The following MEI4 variants were observed in gnomAD, a reference collection of about 807,000 sequenced individuals.
MEI4 encodes meiotic double-stranded break formation protein 4, also known as meiosis-specific protein MEI4.
Under a neutral mutation model 31.4 loss-of-function variants are expected in MEI4, and 27 were observed. The observed-to-expected ratio is 0.86, with a 90% CI of 0.63 to 1.19. The LOEUF (loss-of-function observed/expected upper bound fraction) is 1.19, where lower values mean the gene tolerates loss of function less well. Ranked by LOEUF, MEI4 falls within the 50% of genes most tolerant of loss-of-function variation. The pLI is 0.00. For missense variants in MEI4, 329 were observed against 398.9 expected, an observed-to-expected ratio of 0.82 and a Z score of 1.49; for synonymous variants, 122 against 145.4, an observed-to-expected ratio of 0.84 and a Z score of 1.16.
chr6:77,697,212 A>T (rs1212388902), intron 2 of MEI4, among the ~76,000 whole-genome samples: 1 of 152,126 alleles, frequency 6.6e-6, no homozygotes, highest in African/African-American at 2.4e-5. Context: ...CTTTTCAAAA[A>T]ACCAGCTCCT....
intron 3 of MEI4, among the ~76,000 whole-genome samples, chr6:77,773,041 G>T (rs925559730): frequency 2.0e-5 from 3 of 151,646 alleles, no homozygotes; most frequent in African/African-American, 7.3e-5. Flanking sequence ...AAATAGGAGA[G>T]GAAACACACA....
At chr6:77,860,858 A>G (rs1276832866) in intron 4 of MEI4, among the ~76,000 whole-genome samples, 2 of 151,978 alleles carry the variant, frequency 1.3e-5, no homozygotes, top group African/African-American at 4.8e-5. Flanking sequence ...TCATATGAAC[A>G]TTTTATCTCT....
At chr6:77,697,380 T>C (rs1766078175) in intron 2 of MEI4, among the ~76,000 whole-genome samples, 1 of 152,174 alleles carries the variant, frequency 6.6e-6, no homozygotes, top group Non-Finnish European at 1.5e-5. Context: ...TTTGGATCTT[T>C]CCTGCTTTCT....
intron 4 of MEI4, among the ~76,000 whole-genome samples, chr6:77,887,463 A>C (rs1236962561): frequency 6.6e-6 from 1 of 151,518 alleles, no homozygotes; most frequent in Non-Finnish European, 1.5e-5. Context: ...CACCCGGCTA[A>C]TTTTTGTACT....
chr6:77,835,377 CA>C, intron 4 of MEI4, among the ~76,000 whole-genome samples: 1 of 73,124 alleles, frequency 1.4e-5, no homozygotes, highest in South Asian at 3.5e-4. Context: ...AAACAAAACA[CA>C]CACACACACA....
intron 2 of MEI4, among the ~76,000 whole-genome samples, chr6:77,710,533 A>T (rs1766437719): frequency 6.7e-6 from 1 of 148,306 alleles, no homozygotes. Flanking sequence ...AAAAAAAAAA[A>T]AAAAAAAAAG....
intron 4 of MEI4, among the ~76,000 whole-genome samples, chr6:77,884,026 A>AT (rs1771563513): frequency 6.6e-6 from 1 of 151,630 alleles, no homozygotes; most frequent in Non-Finnish European, 1.5e-5. Flanking sequence ...AACGGTTGTT[A>AT]TTTTTTGTCT....
intron 3 of MEI4, among the ~76,000 whole-genome samples, chr6:77,773,498 T>G (rs909144689): frequency 1.3e-5 from 2 of 152,064 alleles, no homozygotes; most frequent in Non-Finnish European, 2.9e-5. Flanking sequence ...GGAGTGATAC[T>G]AGACCCCTAT....
intron 4 of MEI4, among the ~76,000 whole-genome samples, chr6:77,862,821 C>A (rs1046288111): frequency 1.3e-5 from 2 of 152,160 alleles, no homozygotes; most frequent in Non-Finnish European, 2.9e-5. Context: ...TGGGAGGCAT[C>A]CCCCAGTAGG....
At chr6:77,666,864 T>A (rs904675313) in intron 1 of MEI4, among the ~76,000 whole-genome samples, 3 of 132,354 alleles carry the variant, frequency 2.3e-5, no homozygotes, top group South Asian at 5.4e-4. Context: ...CCTCTGTGTG[T>A]GTGTGTGTGT....
intron 3 of MEI4, among the ~76,000 whole-genome samples, chr6:77,777,238 A>G (rs1252004999): frequency 6.6e-6 from 1 of 152,210 alleles, no homozygotes; most frequent in Non-Finnish European, 1.5e-5. Context: ...ATCCCTTAGC[A>G]GACCCAAGAA....
At chr6:77,805,053 T>G (rs1237785586) in intron 3 of MEI4, among the ~76,000 whole-genome samples, 2 of 152,184 alleles carry the variant, frequency 1.3e-5, no homozygotes, top group Non-Finnish European at 2.9e-5. Context: ...GAACTTTTAT[T>G]ATTATAAAAT....
At position 77,694,725 on chromosome 6, in the gene MEI4, G is replaced by A. The variant is rs573407690; in HGVS notation, c.232+3822G>A. On this transcript the variant is annotated intron_variant, in intron 2 of 4. Coordinates refer to ENST00000684080, the MANE Select transcript of MEI4 (RefSeq NM_001322247.2). The stretch of plus-strand genomic sequence containing the variant: ...GTGACTAGTGCCTCAATAAACATAC[G>A]TGTGCATGTGTCTTTATAGCAGCAT... Among the ~76,000 whole-genome samples the A allele has an allele frequency of 2.2e-3, 329 of 152,076 alleles. 1 individual carries two copies. Among genetic ancestry groups the A allele is most frequent in the African/African-American group, 7.4e-3 (306 of 41,466 alleles).
intron 4 of MEI4, among the ~76,000 whole-genome samples, chr6:77,874,249 C>G (rs1005651476): frequency 3.3e-5 from 5 of 152,104 alleles, no homozygotes; most frequent in Non-Finnish European, 7.4e-5. Context: ...ATGGAATGTT[C>G]TTCCATTTGT....
chr6:77,772,876 A>G (rs1282678234), intron 3 of MEI4, among the ~76,000 whole-genome samples: 1 of 152,044 alleles, frequency 6.6e-6, no homozygotes, highest in African/African-American at 2.4e-5. Context: ...ATCAACAAAG[A>G]GAAATCACTA....
chr6:77,734,819 G>A (rs1767134477), intron 2 of MEI4, among the ~76,000 whole-genome samples: 1 of 151,752 alleles, frequency 6.6e-6, no homozygotes, highest in Non-Finnish European at 1.5e-5. Context: ...AGCTCTTTTA[G>A]GGCAGGCCTG....
At chr6:77,843,268 T>C (rs1770407419) in intron 4 of MEI4, among the ~76,000 whole-genome samples, 1 of 151,950 alleles carries the variant, frequency 6.6e-6, no homozygotes, top group African/African-American at 2.4e-5. Context: ...GCAAATTATA[T>C]AAAATTTCAT....
chr6:77,824,159 G>A (rs776469804), intron 3 of MEI4, among the ~76,000 whole-genome samples: 2 of 152,080 alleles, frequency 1.3e-5, no homozygotes, highest in African/African-American at 2.4e-5. Context: ...GAATGAGCTC[G>A]ACTCACTGCA....
At chr6:77,741,910 A>G (rs970262179) in intron 2 of MEI4, among the ~76,000 whole-genome samples, 67 of 150,696 alleles carry the variant, frequency 4.4e-4, no homozygotes, top group Non-Finnish European at 8.1e-4. Flanking sequence ...GAGAATGATG[A>G]TCTCCAGTTT....
Sources: allele counts gnomAD v4.1 joint callset (sites outside exome capture counted in the v4.1 genomes callset), GRCh38; gene constraint gnomAD v4.1.1; transcripts MANE v1.5; gene names NCBI Gene and HGNC (gene_info 2026-07-23, HGNC 2026-07-21).